CHST9: variants seen among roughly 807,000 people sequenced by gnomAD.
The protein encoded by CHST9 is GalNAc-4-sulfotransferase 2.
CHST9 carries 41 observed loss-of-function variants against 44.4 expected under a neutral mutation model. The observed-to-expected ratio is 0.92, with a 90% confidence interval of 0.72 to 1.20. The LOEUF (loss-of-function observed/expected upper bound fraction) is 1.20. CHST9 is among the 50% of genes most tolerant of loss of function. CHST9 has a pLI of 0.00. For missense variants in CHST9, 504 were observed against 516.5 expected, an observed-to-expected ratio of 0.98 and a Z score of 0.23; for synonymous variants, 171 against 178.4, an observed-to-expected ratio of 0.96 and a Z score of 0.33.
chr18:27,127,237 G>C (rs1183718113), intron 2 of CHST9, among the ~76,000 whole-genome samples: 2 of 152,070 alleles, frequency 1.3e-5, no homozygotes, highest in Non-Finnish European at 2.9e-5. Context: ...AATAAGGGTA[G>C]AACTCTGAAG....
chr18:27,072,439 T>TCTAG (rs2057851150), intron 2 of CHST9, among the ~76,000 whole-genome samples: 5 of 152,016 alleles, frequency 3.3e-5, no homozygotes, highest in Admixed American at 3.3e-4. Flanking sequence ...GCCAAAAGGC[T>TCTAG]TTTCCTTAGC....
intron 1 of CHST9, among the ~76,000 whole-genome samples, chr18:27,153,576 G>A (rs7237642): frequency 8.4e-6 from 1 of 119,404 alleles, no homozygotes; most frequent in Non-Finnish European, 1.8e-5. Context: ...GTATGTGTGT[G>A]TGTGTGTGTG....
chr18:26,985,642 G>C (rs898243889), intron 4 of CHST9, among the ~76,000 whole-genome samples: 9 of 152,186 alleles, frequency 5.9e-5, no homozygotes, highest in Non-Finnish European at 1.0e-4. Context: ...AGTTCAAAGA[G>C]AGAATGCTGA....
At chr18:27,021,328 T>A (rs777479780) in intron 4 of CHST9, among the ~76,000 whole-genome samples, 10 of 152,130 alleles carry the variant, frequency 6.6e-5, no homozygotes, top group Admixed American at 1.3e-4. Context: ...ACTCACTTAC[T>A]TGACAACAAC....
intron 4 of CHST9, among the ~76,000 whole-genome samples, chr18:26,964,861 C>T (rs1006930868): frequency 6.6e-6 from 1 of 152,082 alleles, no homozygotes; most frequent in Non-Finnish European, 1.5e-5. Context: ...GAGCATGAAG[C>T]AAACAGGATG....
intron 2 of CHST9, among the ~76,000 whole-genome samples, chr18:27,063,856 A>C (rs781339188): frequency 2.6e-5 from 4 of 152,038 alleles, no homozygotes; most frequent in Non-Finnish European, 5.9e-5. Flanking sequence ...GTTGTATTCA[A>C]ATCTGGGTGA....
At chr18:27,081,081 T>C (rs1022801014) in intron 2 of CHST9, among the ~76,000 whole-genome samples, 1 of 152,114 alleles carries the variant, frequency 6.6e-6, no homozygotes, top group Non-Finnish European at 1.5e-5. Context: ...GGCAGAATGT[T>C]GGTGAATATA....
chr18:27,095,235 A>G (rs2058105864), intron 2 of CHST9, among the ~76,000 whole-genome samples: 1 of 152,192 alleles, frequency 6.6e-6, no homozygotes, highest in African/African-American at 2.4e-5. Context: ...TTTGAAGGAA[A>G]AGCAATGTAT....
At chr18:27,041,132 A>G (rs2057440131) in intron 3 of CHST9, among the ~76,000 whole-genome samples, 1 of 152,156 alleles carries the variant, frequency 6.6e-6, no homozygotes, top group Non-Finnish European at 1.5e-5. Context: ...CAACACATAC[A>G]TATGAGCCTA....
At chr18:27,079,715 G>A (rs1352896738) in intron 2 of CHST9, among the ~76,000 whole-genome samples, 3 of 152,142 alleles carry the variant, frequency 2.0e-5, no homozygotes, top group African/African-American at 4.8e-5. Context: ...CCCGGAGATC[G>A]GGAGTCTACC....
At chr18:26,981,362 A>T (rs1385287120) in intron 4 of CHST9, among the ~76,000 whole-genome samples, 1 of 152,218 alleles carries the variant, frequency 6.6e-6, no homozygotes, top group Non-Finnish European at 1.5e-5. Context: ...ATCCACCTTC[A>T]TTCCATTCAC....
chr18:27,106,002 C>T (rs2058218014), intron 2 of CHST9, among the ~76,000 whole-genome samples: 1 of 152,062 alleles, frequency 6.6e-6, no homozygotes, highest in South Asian at 2.1e-4. Flanking sequence ...CTTTCTACTT[C>T]TGGAAAGGCA....
In CHST9 at chr18:27,065,276, C is replaced by T. The variant is rs115081607; in HGVS notation, c.122-16773G>A. On this transcript the variant is annotated intron_variant, in intron 2 of 5. Coordinates refer to ENST00000618847, the MANE Select transcript of CHST9 (RefSeq NM_031422.6). ...TTTTGGAAAGCCAAGAATTTTAGAC[C>T]TCATTTTTTTAAAATTCTGGAATCT... is the stretch of plus-strand genomic sequence containing the variant. 6.3e-3 allele frequency among the ~76,000 whole-genome samples: 957 copies of T among 152,228 alleles called. 17 individuals carry two copies. Among genetic ancestry groups the T allele is most frequent in the African/African-American group, 0.022 (909 of 41,544 alleles).
At chr18:26,929,690 G>A (rs2055840633) in intron 5 of CHST9, among the ~76,000 whole-genome samples, 1 of 152,144 alleles carries the variant, frequency 6.6e-6, no homozygotes, top group Non-Finnish European at 1.5e-5. Flanking sequence ...AAATCAATGT[G>A]TCCATCTCCC....
intron 4 of CHST9, among the ~76,000 whole-genome samples, chr18:26,970,577 T>C (rs988731151): frequency 3.3e-5 from 5 of 152,118 alleles, no homozygotes; most frequent in African/African-American, 1.2e-4. Context: ...TACAGTCACA[T>C]GCCACCACAC....
chr18:26,948,391 T>TA lies in CHST9; in HGVS notation c.203-4026dup, dbSNP rs944259448. On this transcript the variant is annotated intron_variant, in intron 4 of 5. Coordinates refer to ENST00000618847, the MANE Select transcript of CHST9 (RefSeq NM_031422.6). ...GCACATGCATCCCAGAACTTAAAGTTAAAAAAAAAATATCATACACAGATT... is the reference window on the plus strand; with the variant it reads ...GCACATGCATCCCAGAACTTAAAGTTAAAAAAAAAAATATCATACACAGATT... 7.8e-4 allele frequency among the ~76,000 whole-genome samples: 116 copies of TA among 149,416 alleles called. 1 individual carries two copies. Among genetic ancestry groups the TA allele is most frequent in the African/African-American group, 2.7e-3 (111 of 40,828 alleles).
chr18:27,027,960 C>T (rs897051652), intron 3 of CHST9, among the ~76,000 whole-genome samples: 1 of 152,128 alleles, frequency 6.6e-6, no homozygotes, highest in Non-Finnish European at 1.5e-5. Flanking sequence ...AATGCAGTGG[C>T]GCGATCTCGG....
intron 5 of CHST9, among the ~76,000 whole-genome samples, chr18:26,927,876 C>A (rs1440374714): frequency 1.3e-5 from 2 of 152,180 alleles, no homozygotes; most frequent in Non-Finnish European, 2.9e-5. Context: ...GGCCACATTT[C>A]AGACTATCAC....
In CHST9 at chr18:27,142,656, C is replaced by T. The variant is rs764023179; in HGVS notation, c.121+33G>A. 19 of 1,482,874 alleles carry T rather than the reference C, an allele frequency of 1.3e-5. No homozygotes were observed. In the East Asian group the frequency reaches 4.5e-4, roughly 35 times the overall value. 91.9% of individuals were successfully genotyped at this position (1,482,874 alleles called of 1,614,324 possible). On this transcript the variant is annotated intron_variant, in intron 2 of 5. Transcript: ENST00000618847. ...AATTTAAAAATAGCTATTATTGTTA[C>T]AATTAAAATAGAAGAAAAAGCACAT...
Sources: gnomAD v4.1 joint callset for allele counts (sites outside exome capture counted in the v4.1 genomes callset) on GRCh38, gnomAD v4.1.1 for gene constraint, MANE v1.5 for transcripts, NCBI Gene and HGNC (gene_info 2026-07-23, HGNC 2026-07-21) for gene names.